Variants in FAM193A observed in about 807,000 individuals in gnomAD.
FAM193A encodes family with sequence similarity 193 member A.
In FAM193A, 22 loss-of-function variants were observed where a neutral mutation model predicts 126.5. The observed-to-expected ratio is 0.17, with a 90% CI of 0.12 to 0.25. The LOEUF is 0.25. Among genes scored for constraint, FAM193A ranks in the 10% least tolerant of loss-of-function variants. FAM193A has a pLI of 1.00. For synonymous variants in FAM193A, 761 were observed against 646.8 expected, an observed-to-expected ratio of 1.18 and a Z score of -2.68; for missense variants, 1,675 against 1,672.8, an observed-to-expected ratio of 1.00 and a Z score of -0.02.
intron 2 of FAM193A, among the ~76,000 whole-genome samples, chr4:2,621,824 C>T (rs905126879): frequency 2.0e-5 from 3 of 152,090 alleles, no homozygotes; most frequent in African/African-American, 7.2e-5. Flanking sequence ...GGAACGGACT[C>T]GCTTAGGGAA....
chr4:2,675,667 A>C (rs1405386794), intron 13 of FAM193A, among the ~76,000 whole-genome samples: 1 of 152,206 alleles, frequency 6.6e-6, no homozygotes, highest in Non-Finnish European at 1.5e-5. Flanking sequence ...TAAAATTTAC[A>C]ATCTTAACCA....
intron 6 of FAM193A, among the ~76,000 whole-genome samples, chr4:2,641,456 C>T (rs2109031727): frequency 6.6e-6 from 1 of 151,816 alleles, no homozygotes; most frequent in East Asian, 2.0e-4. Flanking sequence ...CAGATCAAGA[C>T]CATCCTGGCT....
chr4:2,544,221 T>C (rs1190520482), intron 1 of FAM193A, among the ~76,000 whole-genome samples: 3 of 152,200 alleles, frequency 2.0e-5, no homozygotes, highest in South Asian at 2.1e-4. Flanking sequence ...ATGTCTGTGA[T>C]TCAGTATTTT....
intron 5 of FAM193A, among the ~76,000 whole-genome samples, chr4:2,633,370 G>A (rs1483043385): frequency 6.6e-6 from 1 of 151,964 alleles, no homozygotes; most frequent in African/African-American, 2.4e-5. Flanking sequence ...GTGCACTCCA[G>A]TCTGGGCAAC....
chr4:2,720,820 T>A (rs779114654), intron 20 of FAM193A, among the ~76,000 whole-genome samples: 16 of 152,116 alleles, frequency 1.1e-4, no homozygotes, highest in Non-Finnish European at 2.1e-4. Context: ...TTGGAAAACA[T>A]TAAAGAAGAT....
rs371226802 is a variant in FAM193A at position 2,700,069 on chromosome 4, C to T, written c.3897C>T (p.Pro1299=). Residue 1299 remains proline, a synonymous_variant, in exon 19 of 21, where the codon CCC becomes CCT. Coordinates refer to ENST00000637812, the MANE Select transcript of FAM193A (RefSeq NM_001366318.2). The stretch of plus-strand genomic sequence containing the variant: ...GGGCTGATGGGGATGCTGCAGACCC[C>T]GTCGACACCAGAGACTCCAAATTTC... The part of the protein sequence containing the change: ...GLGADGDAAD[P]VDTRDSKFLL... 1.2e-5 allele frequency: 19 copies of T among 1,613,774 alleles called. No individual in the cohort carries two copies. The African/African-American group carries it at 1.7e-4, about 15-fold the overall frequency.
At chr4:2,562,651 G>C (rs1277898739) in intron 1 of FAM193A, among the ~76,000 whole-genome samples, 1 of 144,504 alleles carries the variant, frequency 6.9e-6, no homozygotes, top group Non-Finnish European at 1.5e-5. Context: ...TTTTTTTTTA[G>C]ACGGAGTCTT....
chr4:2,539,557 C>G lies in FAM193A; in HGVS notation c.255+2387C>G, dbSNP rs141935474. 3.2e-4 allele frequency among the ~76,000 whole-genome samples: 48 copies of G among 152,148 alleles called. No individual in the cohort carries two copies. In the East Asian group the frequency reaches 8.8e-3, roughly 28 times the overall value. On this transcript the variant is annotated intron_variant, in intron 1 of 20. Coordinates refer to ENST00000637812, the MANE Select transcript of FAM193A (RefSeq NM_001366318.2). ...ATGTAGCTAGGCCTCTAGGTATGTG[C>G]CACCATGCCTGGCTAATTTGTTCTT... is the stretch of plus-strand genomic sequence containing the variant.
chr4:2,714,652 A>G (rs908834660), intron 19 of FAM193A, among the ~76,000 whole-genome samples: 4 of 152,108 alleles, frequency 2.6e-5, no homozygotes, highest in African/African-American at 7.2e-5. Flanking sequence ...GAACAAACAC[A>G]CTTGAAAGCA....
At position 2,585,592 on chromosome 4, in the gene FAM193A, T is replaced by G. The variant is rs1308340022; in HGVS notation, c.256-10492T>G. Among the ~76,000 whole-genome samples the G allele has an allele frequency of 5.3e-5, 8 of 152,362 alleles. 1 individual carries two copies. In the Middle Eastern group the frequency reaches 0.014, roughly 259 times the overall value. ...ATTTTTCTCATTTTTCACTTTTTTT[T>G]GTCATTTTTTTCATTTTCTTAATGT... On this transcript the variant is annotated intron_variant, in intron 1 of 20. Coordinates refer to ENST00000637812, the MANE Select transcript of FAM193A (RefSeq NM_001366318.2).
At chr4:2,687,059 C>A (rs980911340) in intron 13 of FAM193A, among the ~76,000 whole-genome samples, 5 of 152,044 alleles carry the variant, frequency 3.3e-5, no homozygotes, top group Non-Finnish European at 7.4e-5. Context: ...GCTGTTGAGT[C>A]CTGAGTGTCT....
intron 7 of FAM193A, 26 bp downstream of exon 7, chr4:2,646,858 C>T (rs757328672): frequency 6.3e-7 from 1 of 1,596,488 alleles, no homozygotes; most frequent in Non-Finnish European, 8.5e-7. Flanking sequence ...GACCACCGCA[C>T]CCCGCGCACA....
At chr4:2,688,472 A>G (rs927053129) in intron 13 of FAM193A, among the ~76,000 whole-genome samples, 4 of 152,078 alleles carry the variant, frequency 2.6e-5, no homozygotes, top group African/African-American at 9.7e-5. Context: ...GCATGGACAC[A>G]GCACAAGCAG....
chr4:2,539,835 A>G (rs889263156), intron 1 of FAM193A, among the ~76,000 whole-genome samples: 3 of 152,172 alleles, frequency 2.0e-5, no homozygotes, highest in Non-Finnish European at 4.4e-5. Flanking sequence ...ACCGTGGCTC[A>G]TGCCTGTAAT....
intron 2 of FAM193A, among the ~76,000 whole-genome samples, chr4:2,623,499 C>G (rs941774011): frequency 6.6e-6 from 1 of 152,246 alleles, no homozygotes; most frequent in Non-Finnish European, 1.5e-5. Flanking sequence ...CCTCTGCCCA[C>G]TTAGCAACGC....
chr4:2,607,167 A>C (rs1383207211), intron 2 of FAM193A, among the ~76,000 whole-genome samples: 1 of 152,232 alleles, frequency 6.6e-6, no homozygotes, highest in Non-Finnish European at 1.5e-5. Context: ...CAGAATATTC[A>C]GAAGACTTGT....
At position 2,608,563 on chromosome 4, in the gene FAM193A, G is replaced by T. The variant is rs553502730; in HGVS notation, c.501+12234G>T. On this transcript the variant is annotated intron_variant, in intron 2 of 20. Coordinates refer to ENST00000637812, the MANE Select transcript of FAM193A (RefSeq NM_001366318.2). Reference sequence around the variant, plus strand: ...TGGGAAGCATATTTAGATCATGGGCGGGTCAGCAATATGCCCATGGGCTTT... The same window carrying T: ...TGGGAAGCATATTTAGATCATGGGCTGGTCAGCAATATGCCCATGGGCTTT... Among the ~76,000 whole-genome samples, 4 of 152,240 alleles carry T rather than the reference G, an allele frequency of 2.6e-5. No individual in the cohort carries two copies. The East Asian group carries it at 5.8e-4, about 22-fold the overall frequency.
At chr4:2,727,591 A>G (rs914014129) in intron 20 of FAM193A, among the ~76,000 whole-genome samples, 2 of 152,080 alleles carry the variant, frequency 1.3e-5, no homozygotes, top group African/African-American at 4.8e-5. Flanking sequence ...ATTATTTATG[A>G]CTCTTGACCA....
At chr4:2,691,727 C>T (rs1716402135) in intron 15 of FAM193A, among the ~76,000 whole-genome samples, 2 of 150,952 alleles carry the variant, frequency 1.3e-5, no homozygotes, top group African/African-American at 4.9e-5. Context: ...GTTGCTTAAG[C>T]CTGGGAGTTT....
Sources: allele counts gnomAD v4.1 joint callset (sites outside exome capture counted in the v4.1 genomes callset), GRCh38; gene constraint gnomAD v4.1.1; transcripts MANE v1.5; gene names NCBI Gene and HGNC (gene_info 2026-07-23, HGNC 2026-07-21).